Variants in ANKRD24 observed in about 807,000 individuals in gnomAD.
The protein encoded by ANKRD24 is ankyrin repeat domain 24.
ANKRD24 carries 109 observed loss-of-function variants against 127.8 expected under a neutral mutation model. The observed-to-expected ratio is 0.85, with a 90% CI of 0.73 to 1.00. The LOEUF (loss-of-function observed/expected upper bound fraction) is 1.00, where lower values mean the gene tolerates loss of function less well. ANKRD24 is among the 50% of genes least tolerant of loss of function. The probability of loss-of-function intolerance (pLI) is 0.00; values close to 1 mark genes in which losing one functional copy is unlikely to be tolerated. For missense variants in ANKRD24, 1,648 were observed against 1,570.2 expected, an observed-to-expected ratio of 1.05 and a Z score of -0.84; for synonymous variants, 743 against 671.1, an observed-to-expected ratio of 1.11 and a Z score of -1.66.
At chr19:4,218,862 G>A (rs1970289124) in intron 18 of ANKRD24, among the ~76,000 whole-genome samples, 1 of 150,178 alleles carries the variant, frequency 6.7e-6, no homozygotes, top group African/African-American at 2.5e-5. Flanking sequence ...CCACCTCCTG[G>A]GCTCAAGTAA....
rs1970135972 is a variant in ANKRD24 at position 4,217,094 on chromosome 19, CAA to C, written c.1937_1938del (p.Lys646SerfsTer32). 1 of 1,613,576 alleles carries C rather than the reference CAA, an allele frequency of 6.2e-7. No homozygotes were observed. The highest frequency in any genetic ancestry group is 1.3e-5 in the African/African-American group (1 of 74,872). ...GCCATGGGGGTGGAGGCCACAAAAA[CAA>C]AAGCAGAGGAAGCAGAAATGCAGGC... On this transcript the variant is annotated frameshift_variant, in exon 18 of 22. Transcript: ENST00000318934. LOFTEE classifies it high-confidence loss of function.
At chr19:4,193,582 A>C (rs1888761838) in intron 2 of ANKRD24, among the ~76,000 whole-genome samples, 1 of 151,894 alleles carries the variant, frequency 6.6e-6, no homozygotes, top group Non-Finnish European at 1.5e-5. Context: ...TCATGCCTGT[A>C]ATCCCAGCAC....
In ANKRD24 at chr19:4,208,071, A is replaced by G. The variant is rs545144384; in HGVS notation, c.832+103A>G. The G allele has an allele frequency of 7.3e-4, 909 of 1,252,746 alleles. 2 individuals carry two copies. The highest frequency in any genetic ancestry group is 8.9e-4 in the Non-Finnish European group (841 of 944,026). The allele number at this position is 1,252,746 out of a possible 1,614,324, so 77.6% of individuals were successfully genotyped here. On this transcript the variant is annotated intron_variant, in intron 10 of 21. Transcript: ENST00000318934. ...TTTCAAGGTACCCCCGATTGGCTGCATTCTAGGAGGTCCTAGAGCTTACCC... is the reference window on the plus strand; with the variant it reads ...TTTCAAGGTACCCCCGATTGGCTGCGTTCTAGGAGGTCCTAGAGCTTACCC...
At chr19:4,206,373 G>A (rs1216398744) in intron 7 of ANKRD24, among the ~76,000 whole-genome samples, 3 of 151,222 alleles carry the variant, frequency 2.0e-5, no homozygotes, top group South Asian at 2.1e-4. Flanking sequence ...GGTGGTGCAC[G>A]CCTACAGTCC....
chr19:4,194,796 G>A (rs2145247826), intron 2 of ANKRD24, among the ~76,000 whole-genome samples: 1 of 152,234 alleles, frequency 6.6e-6, no homozygotes, highest in East Asian at 1.9e-4. Context: ...CCGTGGAAGG[G>A]GTGAGAAGGG....
In ANKRD24 at chr19:4,192,500, C is replaced by T. The variant is rs565181072; in HGVS notation, c.36+6039C>T. 7.9e-5 allele frequency among the ~76,000 whole-genome samples: 12 copies of T among 151,108 alleles called. No individual in the cohort carries two copies. In the South Asian group the frequency reaches 8.4e-4, roughly 11 times the overall value. ...TGCTGGGATTACAGGCGTGAGCCACCGCGCCCGGCCAGGCCTCGTATTTTC... is the reference window on the plus strand; with the variant it reads ...TGCTGGGATTACAGGCGTGAGCCACTGCGCCCGGCCAGGCCTCGTATTTTC... On this transcript the variant is annotated intron_variant, in intron 2 of 21. Transcript: ENST00000318934.
In ANKRD24 at chr19:4,194,793, A is replaced by G. The variant is rs556203772; in HGVS notation, c.37-4890A>G. ...GCTAGACTATGGTGGTGGCCGTGGA[A>G]GGGGTGAGAAGGGGCAGAACAGGAC... On this transcript the variant is annotated intron_variant, in intron 2 of 21. Transcript: ENST00000318934. Among the ~76,000 whole-genome samples, 783 of 152,156 alleles carry G rather than the reference A, an allele frequency of 5.1e-3. 3 individuals are homozygous for G. Among genetic ancestry groups the G allele is most frequent in the Non-Finnish European group, 8.0e-3 (547 of 67,986 alleles).
At chr19:4,212,755 T>C in intron 15 of ANKRD24, 57 bp downstream of exon 15, 1 of 1,468,422 alleles carries the variant, frequency 6.8e-7, no homozygotes, top group Non-Finnish European at 9.2e-7. Flanking sequence ...ACTTCTCTCC[T>C]ACAGCAGCGA....
Position 4,199,872 on chromosome 19 carries a change from C to A in ANKRD24, c.124-3C>A, listed in dbSNP as rs1311018674. The A allele has an allele frequency of 1.3e-6, 2 of 1,568,714 alleles. No homozygotes were observed. Among genetic ancestry groups the A allele is most frequent in the Admixed American group, 3.8e-5 (2 of 53,130 alleles). Reference sequence around the variant, plus strand: ...CCCACGCACTTCTGGGCGTGCCCTGCAGAGTCAAGACTGGGGCAAGAGTGA... The same window carrying A: ...CCCACGCACTTCTGGGCGTGCCCTGAAGAGTCAAGACTGGGGCAAGAGTGA... On this transcript the variant is annotated splice_region_variant and splice_polypyrimidine_tract_variant and intron_variant, in intron 3 of 21. Coordinates refer to ENST00000318934, the MANE Select transcript of ANKRD24 (RefSeq NM_001393985.1). The surrounding 1 kb of genome is among the most constrained non-coding windows in gnomAD (Gnocchi z 5.2).
chr19:4,216,114 C>T (rs1970052363), intron 16 of ANKRD24, 64 bp downstream of exon 16: 10 of 1,505,182 alleles, frequency 6.6e-6, no homozygotes, highest in Non-Finnish European at 9.0e-6. Flanking sequence ...GAAGACGGAG[C>T]CTCTGGGTGT....
intron 2 of ANKRD24, among the ~76,000 whole-genome samples, chr19:4,194,013 C>T (rs962244055): frequency 2.0e-5 from 3 of 151,998 alleles, no homozygotes; most frequent in African/African-American, 4.8e-5. Context: ...GCAGACCAGC[C>T]TCAGCTCTGC....
Position 4,207,982 on chromosome 19 carries a change from A to T in ANKRD24, c.832+14A>T. ...CCCCACCCAGCGGTATGCAAGCCCC[A>T]CCTCCCCAATGCATTTGCTTCTTGG... On this transcript the variant is annotated intron_variant, in intron 10 of 21. Coordinates refer to ENST00000318934, the MANE Select transcript of ANKRD24 (RefSeq NM_001393985.1). 4 of 1,458,744 alleles carry T rather than the reference A, an allele frequency of 2.7e-6. No homozygotes were observed. The highest frequency in any genetic ancestry group is 3.6e-6 in the Non-Finnish European group (4 of 1,104,764). 90.4% of individuals were successfully genotyped at this position (1,458,744 alleles called of 1,614,324 possible). A position where few individuals can be genotyped will look rare whatever the true frequency, so the allele number is the denominator to read the frequency against.
rs1364571304 is a variant in ANKRD24 at position 4,210,401 on chromosome 19, G to A, written c.1059+29G>A. On this transcript the variant is annotated intron_variant, in intron 13 of 21. Coordinates refer to ENST00000318934, the MANE Select transcript of ANKRD24 (RefSeq NM_001393985.1). ...AGGAGGCCTCGGAGATTTGGGCGTGGGCCAGCCTGGGTGGGGTCAATGCAG... is the reference window on the plus strand; with the variant it reads ...AGGAGGCCTCGGAGATTTGGGCGTGAGCCAGCCTGGGTGGGGTCAATGCAG... 2.8e-6 allele frequency: 4 copies of A among 1,436,866 alleles called. No homozygotes were observed. The South Asian group carries it at 5.1e-5, about 18-fold the overall frequency. The allele number at this position is 1,436,866 out of a possible 1,614,324, so 89.0% of individuals were successfully genotyped here. A position where few individuals can be genotyped will look rare whatever the true frequency, so the allele number is the denominator to read the frequency against.
Position 4,207,911 on chromosome 19 carries a change from G to C in ANKRD24, c.775G>C (p.Asp259His). Reference sequence around the variant, plus strand: ...GGCTCACTATGGCGCCCTGGCGGGGGACAAACTCATCCTGCACCTTCTGCA... The same window carrying C: ...GGCTCACTATGGCGCCCTGGCGGGGCACAAACTCATCCTGCACCTTCTGCA... ...DAAHYGALAG[D>H]KLILHLLQEA... The change falls in exon 10 of 22, where the codon GAC becomes CAC. Residue 259 changes from aspartate to histidine, a missense_variant. Coordinates refer to ENST00000318934, the MANE Select transcript of ANKRD24 (RefSeq NM_001393985.1). 1 of 1,555,630 alleles carries C rather than the reference G, an allele frequency of 6.4e-7. No homozygotes were observed. Among genetic ancestry groups the C allele is most frequent in the East Asian group, 2.3e-5 (1 of 43,578 alleles).
At chr19:4,223,401 A>ATTTTTTTTTTTTTTTTT (rs1173862080) in intron 20 of ANKRD24, among the ~76,000 whole-genome samples, 1 of 53,344 alleles carries the variant, frequency 1.9e-5, no homozygotes, top group African/African-American at 9.5e-5. Flanking sequence ...ATATATATAT[A>ATTTTTTTTTTTTTTTTT]TTTTTTTTTT....
chr19:4,182,720 A>G lies in ANKRD24; in HGVS notation c.-57A>G. The G allele has an allele frequency of 1.4e-6, 2 of 1,404,360 alleles. No homozygotes were observed. Among genetic ancestry groups the G allele is most frequent in the East Asian group, 5.8e-5 (2 of 34,492 alleles). 87.0% of individuals were successfully genotyped at this position (1,404,360 alleles called of 1,614,324 possible). On this transcript the variant is annotated 5_prime_UTR_variant, in exon 1 of 22. Transcript: ENST00000318934. Reference sequence around the variant, plus strand: ...GACATGTTATCTGCTGTCAGAAGGAAGCCTGCCTCTTTGCATGCAGGTGTT... The same window carrying G: ...GACATGTTATCTGCTGTCAGAAGGAGGCCTGCCTCTTTGCATGCAGGTGTT...
Position 4,213,239 on chromosome 19 carries a change from C to CTCCT in ANKRD24, c.1197+551_1197+554dup, listed in dbSNP as rs1235551067. Among the ~76,000 whole-genome samples the CTCCT allele has an allele frequency of 8.6e-5, 8 of 93,274 alleles. No individual in the cohort carries two copies. The East Asian group carries it at 3.0e-3, about 35-fold the overall frequency. The allele number at this position is 93,274 out of a possible 152,430, so 61.2% of individuals were successfully genotyped here. A position where few individuals can be genotyped will look rare whatever the true frequency, so the allele number is the denominator to read the frequency against. ...CCCTTCTCCTTCCTTCCTTCCCTCC[C>CTCCT]TCCTTCCTTCCTTTCCTTCTTTCCT... is the stretch of plus-strand genomic sequence containing the variant. On this transcript the variant is annotated intron_variant, in intron 15 of 21. Transcript: ENST00000318934.
At chr19:4,187,375 T>C (rs898797307) in intron 2 of ANKRD24, among the ~76,000 whole-genome samples, 6 of 151,408 alleles carry the variant, frequency 4.0e-5, no homozygotes, top group Non-Finnish European at 7.4e-5. Context: ...ATTGTGCCAT[T>C]GCACTGCAGC....
At chr19:4,204,872 C>T (rs533230450) in intron 7 of ANKRD24, among the ~76,000 whole-genome samples, 63 of 152,272 alleles carry the variant, frequency 4.1e-4, no homozygotes, top group African/African-American at 1.4e-3. Context: ...GAGGCCCAGG[C>T]GGGCAGATTA....
Sources: allele counts gnomAD v4.1 joint callset (sites outside exome capture counted in the v4.1 genomes callset), GRCh38; gene constraint gnomAD v4.1.1; non-coding constraint Gnocchi (gnomAD v3.1); transcripts MANE v1.5; gene names NCBI Gene and HGNC (gene_info 2026-07-23, HGNC 2026-07-21).